TCERG1L: variants seen among roughly 807,000 people sequenced by gnomAD.
TCERG1L encodes the protein transcription elongation regulator 1-like protein.
In TCERG1L, 37 loss-of-function variants were observed where a neutral mutation model predicts 56.3. The observed-to-expected ratio is 0.66, with a 90% CI of 0.51 to 0.87. The LOEUF (loss-of-function observed/expected upper bound fraction) is 0.87, where lower values mean the gene tolerates loss of function less well. TCERG1L is among the 40% of genes least tolerant of loss of function. The pLI, the probability that TCERG1L is intolerant of heterozygous loss-of-function variation, is 0.00. For synonymous variants in TCERG1L, 324 were observed against 326.3 expected, an observed-to-expected ratio of 0.99 and a Z score of 0.08; for missense variants, 799 against 774.2, an observed-to-expected ratio of 1.03 and a Z score of -0.38.
At chr10:131,299,326 A>G (rs1281085874) in intron 3 of TCERG1L, among the ~76,000 whole-genome samples, 1 of 152,020 alleles carries the variant, frequency 6.6e-6, no homozygotes, top group African/African-American at 2.4e-5. Context: ...ACCATTTTAT[A>G]GTTTTTAAAA....
intron 4 of TCERG1L, among the ~76,000 whole-genome samples, chr10:131,211,721 G>A (rs1003780513): frequency 6.6e-6 from 1 of 152,170 alleles, no homozygotes; most frequent in African/African-American, 2.4e-5. Flanking sequence ...GAAGCGGCTG[G>A]GCGGTGGACT....
chr10:131,135,118 G>A (rs1008572917), intron 7 of TCERG1L, among the ~76,000 whole-genome samples: 3 of 152,236 alleles, frequency 2.0e-5, no homozygotes, highest in Non-Finnish European at 2.9e-5. Flanking sequence ...GGAAAGATAA[G>A]CGTGCAGATG....
chr10:131,233,614 A>C (rs1845877692), intron 4 of TCERG1L, among the ~76,000 whole-genome samples: 1 of 152,172 alleles, frequency 6.6e-6, no homozygotes, highest in Admixed American at 6.5e-5. Context: ...TTTAATATAT[A>C]ATTTTATAAT....
Position 131,309,249 on chromosome 10 carries a change from T to C in TCERG1L, c.393A>G (p.Thr131=). The C allele has an allele frequency of 6.2e-7, 1 of 1,605,362 alleles. No homozygotes were observed. Among genetic ancestry groups the C allele is most frequent in the Admixed American group, 1.7e-5 (1 of 57,756 alleles). ...GTGGGAAGACGGGCACCAGCTCCAC[T>C]GTGGAAGAGGGGGGCAGTCCTAGGG... The part of the protein sequence containing the change: ...SPSLGLPPSS[T]VELVPVFPHL... Residue 131 remains threonine, a synonymous_variant, in exon 2 of 12, where the codon ACA becomes ACG. Transcript: ENST00000368642.
At chr10:131,245,410 A>T (rs1222768831) in intron 4 of TCERG1L, among the ~76,000 whole-genome samples, 6 of 151,514 alleles carry the variant, frequency 4.0e-5, no homozygotes, top group Admixed American at 2.0e-4. Flanking sequence ...TAAAATAATA[A>T]TTTTTTTTTT....
intron 4 of TCERG1L, among the ~76,000 whole-genome samples, chr10:131,237,966 G>C (rs1341666159): frequency 1.3e-5 from 2 of 152,238 alleles, no homozygotes; most frequent in African/African-American, 4.8e-5. Flanking sequence ...TCTGCCTGCA[G>C]AGCCCTAATG....
intron 6 of TCERG1L, among the ~76,000 whole-genome samples, chr10:131,149,315 C>CTGCTCCAGGTAGCCGACTCCAGGT (rs57277107): frequency 1.3e-5 from 2 of 152,074 alleles, no homozygotes; most frequent in Admixed American, 6.5e-5. Flanking sequence ...GCAGACTCCA[C>CTGCTCCAGGTAGCCGACTCCAGGT]ACCCAGGTAG....
At chr10:131,102,378 G>T (rs1357186669) in intron 10 of TCERG1L, among the ~76,000 whole-genome samples, 1 of 152,182 alleles carries the variant, frequency 6.6e-6, no homozygotes, top group Non-Finnish European at 1.5e-5. Context: ...ACGGGAGTGA[G>T]GACAGAGCGG....
chr10:131,102,919 T>C (rs1227392529), intron 10 of TCERG1L, among the ~76,000 whole-genome samples: 1 of 152,074 alleles, frequency 6.6e-6, no homozygotes, highest in Non-Finnish European at 1.5e-5. Flanking sequence ...CTGTTTGATA[T>C]GGAAAGCAGT....
chr10:131,206,842 G>A (rs1035233847), intron 4 of TCERG1L, among the ~76,000 whole-genome samples: 3 of 152,132 alleles, frequency 2.0e-5, no homozygotes, highest in African/African-American at 7.2e-5. Context: ...GTGCGTCCAG[G>A]GAAAAGCCAG....
chr10:131,155,796 A>AC (rs922723118), intron 6 of TCERG1L, among the ~76,000 whole-genome samples: 2 of 151,692 alleles, frequency 1.3e-5, no homozygotes, highest in South Asian at 2.1e-4. Context: ...CCCACGGCCC[A>AC]CCCCCCACTC....
intron 7 of TCERG1L, among the ~76,000 whole-genome samples, chr10:131,139,370 C>T (rs958221473): frequency 6.6e-6 from 1 of 152,168 alleles, no homozygotes; most frequent in African/African-American, 2.4e-5. Flanking sequence ...CAAGAGGAGG[C>T]TCTGAGGAAG....
intron 4 of TCERG1L, among the ~76,000 whole-genome samples, chr10:131,168,639 G>A (rs1418040142): frequency 6.6e-6 from 1 of 152,206 alleles, no homozygotes; most frequent in Admixed American, 6.5e-5. Flanking sequence ...GCGGGTGGAG[G>A]AATGCCCAGC....
At chr10:131,225,795 CA>C (rs1845785339) in intron 4 of TCERG1L, among the ~76,000 whole-genome samples, 1 of 152,024 alleles carries the variant, frequency 6.6e-6, no homozygotes, top group Non-Finnish European at 1.5e-5. Context: ...CCGATAAACG[CA>C]AGTGTGATTG....
chr10:131,228,774 T>C (rs369645920), intron 4 of TCERG1L, among the ~76,000 whole-genome samples: 7 of 64,956 alleles, frequency 1.1e-4, no homozygotes, highest in Admixed American at 2.9e-4. Context: ...TTCCTCAAGG[T>C]CTCCGGAGTC....
intron 4 of TCERG1L, among the ~76,000 whole-genome samples, chr10:131,223,342 G>A (rs546593636): frequency 6.6e-6 from 1 of 152,288 alleles, no homozygotes; most frequent in African/African-American, 2.4e-5. Flanking sequence ...CGCATGCTCC[G>A]CTGCCTGTTA....
chr10:131,141,226 C>A (rs1043388084), intron 7 of TCERG1L, among the ~76,000 whole-genome samples: 1 of 152,194 alleles, frequency 6.6e-6, no homozygotes, highest in Non-Finnish European at 1.5e-5. Flanking sequence ...CTCTGCAGGG[C>A]TTCCCCGAGC....
chr10:131,153,634 G>GT (rs1845888981), intron 6 of TCERG1L, among the ~76,000 whole-genome samples: 1 of 152,282 alleles, frequency 6.6e-6, no homozygotes. Flanking sequence ...AGCATTTGTT[G>GT]TAAGTGCAGT....
At chr10:131,292,069 T>C (rs748484528) in intron 3 of TCERG1L, among the ~76,000 whole-genome samples, 26 of 152,218 alleles carry the variant, frequency 1.7e-4, no homozygotes, top group African/African-American at 6.3e-4. Flanking sequence ...TGTAAAAGTA[T>C]ATAACCAAGT....
Sources: allele counts gnomAD v4.1 joint callset (sites outside exome capture counted in the v4.1 genomes callset), GRCh38; gene constraint gnomAD v4.1.1; transcripts MANE v1.5; gene names NCBI Gene and HGNC (gene_info 2026-07-23, HGNC 2026-07-21).